Variants in SSRP1 observed in about 807,000 individuals in gnomAD.
SSRP1 encodes structure specific recognition protein 1.
A neutral mutation model predicts 84.4 loss-of-function variants in SSRP1; 21 were observed. The observed-to-expected ratio is 0.25, with a 90% CI of 0.18 to 0.36. The LOEUF is 0.36. Ranked by LOEUF, SSRP1 falls within the 10% of genes least tolerant of loss-of-function variation. The pLI is 1.00. For synonymous variants in SSRP1, 319 were observed against 318.3 expected (o/e 1.00, Z -0.02); for missense variants, 519 against 900.8 (o/e 0.58, Z 5.43).
intron 12 of SSRP1, chr11:57,328,629 C>T (rs1856031097): frequency 1.7e-6 from 1 of 603,842 alleles, no homozygotes; most frequent in Non-Finnish European, 2.7e-6. Flanking sequence ...CAGACCCAGC[C>T]ACAGCAATTG....
Position 57,326,489 on chromosome 11 carries a change from A to G in SSRP1, c.2059-11T>C, listed in dbSNP as rs1319572411. On this transcript the variant is annotated splice_polypyrimidine_tract_variant and intron_variant, in intron 16 of 16. Transcript: ENST00000278412. ...TTCTTCTTCAGAGTCCTGAAAACCAAAGGTGTCTTAAGGGAAAAGCTGGAG... is the reference window on the plus strand; with the variant it reads ...TTCTTCTTCAGAGTCCTGAAAACCAGAGGTGTCTTAAGGGAAAAGCTGGAG... 1 of 1,613,972 alleles carries G rather than the reference A, an allele frequency of 6.2e-7. No individual in the cohort carries two copies. Among genetic ancestry groups the G allele is most frequent in the South Asian group, 1.1e-5 (1 of 91,076 alleles).
At chr11:57,328,706 G>A in intron 12 of SSRP1, 1 of 352,354 alleles carries the variant, frequency 2.8e-6, no homozygotes, top group Middle Eastern at 7.9e-4. Context: ...CCTGGGCATG[G>A]CCAAACCAGG....
At position 57,335,310 on chromosome 11, in the gene SSRP1, A is replaced by G. The variant is rs1178473966; in HGVS notation, c.-119-70T>C. ...GCTGTGCTCACGGATGGAGCCAGGT[A>G]GCAACTCCCAGCTGCGCCTGGATGT... On this transcript the variant is annotated intron_variant, in intron 1 of 16. Transcript: ENST00000278412. This position sits in a 1 kb window ranked among gnomAD's most constrained non-coding sequence, Gnocchi z 4.6. The G allele has an allele frequency of 1.5e-5, 9 of 612,484 alleles. No homozygotes were observed. Among genetic ancestry groups the G allele is most frequent in the Non-Finnish European group, 1.5e-5 (5 of 339,118 alleles). The allele number at this position is 612,484 out of a possible 1,614,324, so 37.9% of individuals were successfully genotyped here.
At chr11:57,329,095 A>T (rs1007555555) in intron 12 of SSRP1, 1 of 152,356 alleles carries the variant, frequency 6.6e-6, no homozygotes. Flanking sequence ...CAAACAATGC[A>T]ACTACCTTAC....
chr11:57,334,886 G>C (rs894556173), intron 2 of SSRP1, among the ~76,000 whole-genome samples, 182 bp downstream of exon 2: 2 of 152,154 alleles, frequency 1.3e-5, no homozygotes, highest in Non-Finnish European at 1.5e-5. Flanking sequence ...CAGCATATAC[G>C]GTCCCTATAA....
At chr11:57,326,655 C>T (rs1855987331) in intron 16 of SSRP1, 48 bp downstream of exon 16, 1 of 1,598,180 alleles carries the variant, frequency 6.3e-7, no homozygotes, top group Non-Finnish European at 8.5e-7. Context: ...CACAGACACA[C>T]ATGCCCCTCA....
intron 15 of SSRP1, 77 bp downstream of exon 15, chr11:57,327,349 A>G (rs1856005816): frequency 2.1e-6 from 3 of 1,427,110 alleles, no homozygotes; most frequent in Non-Finnish European, 2.9e-6. Context: ...TAACTTTCCA[A>G]TGCTCAACTT....
Position 57,326,696 on chromosome 11 carries a change from G to C in SSRP1, c.2058+7C>G, listed in dbSNP as rs753998487. On this transcript the variant is annotated splice_region_variant and intron_variant, in intron 16 of 16. Transcript: ENST00000278412. Reference sequence around the variant, plus strand: ...CCCAGCCCACAGGCCCCACATTCCTGCCGCACCTCGCTCCTCCTCCTCTTC... The same window carrying C: ...CCCAGCCCACAGGCCCCACATTCCTCCCGCACCTCGCTCCTCCTCCTCTTC... 4 of 1,611,724 alleles carry C rather than the reference G, an allele frequency of 2.5e-6. No homozygotes were observed. The highest frequency in any genetic ancestry group is 2.5e-6 in the Non-Finnish European group (3 of 1,178,614).
chr11:57,327,035 G>A (rs11602266), intron 15 of SSRP1, 146 bp from the exon 16 acceptor site: 139,964 of 1,399,420 alleles, frequency 0.1, 7,598 homozygotes, highest in Non-Finnish European at 0.11. Context: ...CAGCCTGGAG[G>A]GCACCAAGGG....
Position 57,328,923 on chromosome 11 carries a change from G to C in SSRP1, c.1482-497C>G, listed in dbSNP as rs79937238. The C allele has an allele frequency of 9.5e-3, 1,456 of 153,268 alleles. 18 individuals carry two copies. Among genetic ancestry groups the C allele is most frequent in the African/African-American group, 0.034 (1,397 of 41,540 alleles). 9.5% of individuals were successfully genotyped at this position (153,268 alleles called of 1,614,324 possible). A position where few individuals can be genotyped will look rare whatever the true frequency, so the allele number is the denominator to read the frequency against. ...AGGGTGGCACATTTCACACACGCAC[G>C]TAACACCCAACCATTATGTTTATGA... On this transcript the variant is annotated intron_variant, in intron 12 of 16. Transcript: ENST00000278412.
rs554124752 is a variant in SSRP1 at position 57,333,247 on chromosome 11, G to A, written c.347-98C>T. 1.7e-5 allele frequency: 24 copies of A among 1,382,784 alleles called. No individual in the cohort carries two copies. The African/African-American group carries it at 1.9e-4, about 11-fold the overall frequency. 85.7% of individuals were successfully genotyped at this position (1,382,784 alleles called of 1,614,324 possible). ...GAGTTCCACAGAGACAGGATACTGC[G>A]GTTAGTCTGTTTAGACTATAACCCC... On this transcript the variant is annotated intron_variant, in intron 4 of 16. Coordinates refer to ENST00000278412, the MANE Select transcript of SSRP1 (RefSeq NM_003146.3).
rs923694773 is a variant in SSRP1 at position 57,332,610 on chromosome 11, G to A, written c.768+15C>T. The A allele has an allele frequency of 3.1e-6, 5 of 1,608,534 alleles. No homozygotes were observed. The African/African-American group carries it at 6.7e-5, about 22-fold the overall frequency. ...CAAAAACCAGGATTATCCGGCCATAGGGGTTTCTGCTTACCACAAAGAACA... is the reference window on the plus strand; with the variant it reads ...CAAAAACCAGGATTATCCGGCCATAAGGGTTTCTGCTTACCACAAAGAACA... On this transcript the variant is annotated intron_variant, in intron 6 of 16. Transcript: ENST00000278412. The surrounding 1 kb of genome is among the most constrained non-coding windows in gnomAD (Gnocchi z 5.5).
rs1298886431 is a variant in SSRP1 at position 57,334,687 on chromosome 11, A to G, written c.55-39T>C. ...AGGCCCAGATGCATGGAGACAGTAC[A>G]CAGCATGTCCTGGGTTCTACAGCTC... On this transcript the variant is annotated intron_variant, in intron 2 of 16. Transcript: ENST00000278412. The G allele has an allele frequency of 3.1e-6, 5 of 1,607,334 alleles. No homozygotes were observed. The South Asian group carries it at 3.3e-5, about 11-fold the overall frequency.
chr11:57,326,343 C>T lies in SSRP1; in HGVS notation c.*64G>A. 1 of 1,512,568 alleles carries T rather than the reference C, an allele frequency of 6.6e-7. No homozygotes were observed. The highest frequency in any genetic ancestry group is 9.2e-7 in the Non-Finnish European group (1 of 1,091,254). The allele number at this position is 1,512,568 out of a possible 1,614,324, so 93.7% of individuals were successfully genotyped here. A position where few individuals can be genotyped will look rare whatever the true frequency, so the allele number is the denominator to read the frequency against. ...GCATTTCATGAGGAGAAACTGGTAC[C>T]AAAATATGGGTGGGGAGTCGGGGGG... On this transcript the variant is annotated 3_prime_UTR_variant, in exon 17 of 17. Coordinates refer to ENST00000278412, the MANE Select transcript of SSRP1 (RefSeq NM_003146.3).
At chr11:57,327,652 C>T (rs1856012084) in intron 14 of SSRP1, 60 bp downstream of exon 14, 2 of 1,606,826 alleles carry the variant, frequency 1.2e-6, no homozygotes, top group Admixed American at 3.3e-5. Context: ...ACTCGCCACC[C>T]CAAGACAGCA....
chr11:57,329,906 AAT>A, intron 12 of SSRP1, 185 bp downstream of exon 12: 1 of 718,122 alleles, frequency 1.4e-6, no homozygotes, highest in Non-Finnish European at 2.3e-6. Flanking sequence ...CCGACTTCAA[AAT>A]ATGTCTTGCA....
At chr11:57,327,666 C>CA in intron 14 of SSRP1, 46 bp downstream of exon 14, 1 of 1,609,236 alleles carries the variant, frequency 6.2e-7, no homozygotes, top group Non-Finnish European at 8.5e-7. Context: ...GACAGCACCT[C>CA]TCGCCAGCCC....
chr11:57,327,299 A>C (rs1856004844), intron 15 of SSRP1, 127 bp downstream of exon 15: 1 of 974,970 alleles, frequency 1.0e-6, no homozygotes, highest in South Asian at 1.5e-5. Context: ...AGGTTTGAGA[A>C]GCACTACCCT....
In SSRP1 at chr11:57,332,724, C is replaced by A. The variant is rs1373429903; in HGVS notation, c.669G>T (p.Leu223=). Residue 223 remains leucine (L), a synonymous_variant, in exon 6 of 17, where the codon CTG becomes CTT. Coordinates refer to ENST00000278412, the MANE Select transcript of SSRP1 (RefSeq NM_003146.3). The surrounding 1 kb of genome is among the most constrained non-coding windows in gnomAD (Gnocchi z 5.5). ...RYDIRIYPTF[L]HLHGKTFDYK... ...AGTCAAAGGTCTTGCCATGCAGGTG[C>A]AGAAAGGTGGGGTAGATCCGAATGT... The A allele has an allele frequency of 1.2e-6, 2 of 1,613,900 alleles. No individual in the cohort carries two copies. The highest frequency in any genetic ancestry group is 2.7e-5 in the African/African-American group (2 of 74,890).
Sources: allele counts gnomAD v4.1 joint callset (sites outside exome capture counted in the v4.1 genomes callset), GRCh38; gene constraint gnomAD v4.1.1; non-coding constraint Gnocchi (gnomAD v3.1); transcripts MANE v1.5; gene names NCBI Gene and HGNC (gene_info 2026-07-23, HGNC 2026-07-21).